Variants in PHF14 observed in about 807,000 individuals in gnomAD.
The protein encoded by PHF14 is PHD finger protein 14.
PHF14 carries 55 observed loss-of-function variants against 117.9 expected under a neutral mutation model. That is an observed-to-expected ratio of 0.47 (90% CI 0.38 to 0.58). The LOEUF is 0.58. PHF14 is among the 20% of genes least tolerant of loss of function. The probability of loss-of-function intolerance (pLI) is 0.00; values close to 1 mark genes in which losing one functional copy is unlikely to be tolerated. For missense variants in PHF14, 978 were observed against 1,122.2 expected (o/e 0.87, Z 1.84); for synonymous variants, 409 against 368.6 (o/e 1.11, Z -1.26).
At chr7:11,096,973 CTTTTTTTT>C (rs899756252) in intron 16 of PHF14, among the ~76,000 whole-genome samples, 1 of 108,586 alleles carries the variant, frequency 9.2e-6, no homozygotes, top group Non-Finnish European at 1.8e-5. Context: ...TAGACTAGAA[CTTTTTTTT>C]TTTTTTTTTT....
intron 4 of PHF14, among the ~76,000 whole-genome samples, chr7:10,993,305 T>C (rs566661884): frequency 1.3e-5 from 2 of 152,258 alleles, no homozygotes; most frequent in Admixed American, 1.3e-4. Context: ...TTTTCTGGTA[T>C]TACAGCCCTT....
chr7:11,005,362 G>C (rs1172864171), intron 4 of PHF14, among the ~76,000 whole-genome samples: 1 of 151,834 alleles, frequency 6.6e-6, no homozygotes, highest in Non-Finnish European at 1.5e-5. Flanking sequence ...CAGTATTACT[G>C]TGAGCTCATA....
chr7:10,973,968 G>GTCCAGGC lies in PHF14; in HGVS notation c.-354_-348dup. The GTCCAGGC allele has an allele frequency of 4.2e-6, 1 of 237,890 alleles. No homozygotes were observed. The highest frequency in any genetic ancestry group is 6.2e-5 in the South Asian group (1 of 16,230). 14.7% of individuals were successfully genotyped at this position (237,890 alleles called of 1,614,324 possible). ...AATTTCTGGTCTTTCGTTGCTTCTG[G>GTCCAGGC]TCCAGGCTAATAAAGTTTTTCTTTC... is the stretch of plus-strand genomic sequence containing the variant. On this transcript the variant is annotated 5_prime_UTR_variant, in exon 1 of 18. Coordinates refer to ENST00000634607, the MANE Select transcript of PHF14 (RefSeq NM_001007157.2).
chr7:11,068,671 A>T (rs1025542633), intron 16 of PHF14, among the ~76,000 whole-genome samples: 1 of 152,190 alleles, frequency 6.6e-6, no homozygotes, highest in East Asian at 1.9e-4. Context: ...AAAATGGTTA[A>T]GATGGTCAAT....
Position 11,130,532 on chromosome 7 carries a change from G to A in PHF14, c.2772+19065G>A, listed in dbSNP as rs1477549517. Reference sequence around the variant, plus strand: ...TTTTGTTTCTTTTTGAGCAGTTTTAGGTTTATAGAAAAATGGAGTTAAAAC... The same window carrying A: ...TTTTGTTTCTTTTTGAGCAGTTTTAAGTTTATAGAAAAATGGAGTTAAAAC... On this transcript the variant is annotated intron_variant, in intron 17 of 17. Coordinates refer to ENST00000634607, the MANE Select transcript of PHF14 (RefSeq NM_001007157.2). This position sits in a 1 kb window ranked among gnomAD's most constrained non-coding sequence, Gnocchi z 4.2. Among the ~76,000 whole-genome samples, 1 of 151,536 alleles carries A rather than the reference G, an allele frequency of 6.6e-6. No individual in the cohort carries two copies. The highest frequency in any genetic ancestry group is 1.5e-5 in the Non-Finnish European group (1 of 67,770).
At chr7:11,124,104 A>G (rs1778191549) in intron 17 of PHF14, among the ~76,000 whole-genome samples, 1 of 148,762 alleles carries the variant, frequency 6.7e-6, no homozygotes, top group African/African-American at 2.4e-5. Flanking sequence ...GGAAAAAAAA[A>G]TACACTTTGG....
chr7:11,003,582 C>G (rs1206636514), intron 4 of PHF14, among the ~76,000 whole-genome samples: 1 of 152,112 alleles, frequency 6.6e-6, no homozygotes, highest in Non-Finnish European at 1.5e-5. Context: ...ACATATCCAT[C>G]ATCTCACATA....
chr7:11,097,199 G>A (rs1786907505), intron 16 of PHF14, among the ~76,000 whole-genome samples: 3 of 151,904 alleles, frequency 2.0e-5, no homozygotes, highest in South Asian at 4.2e-4. Flanking sequence ...GGCTGGTCTC[G>A]AACTCCCGAT....
At chr7:11,136,095 C>G (rs1281812296) in intron 17 of PHF14, among the ~76,000 whole-genome samples, 1 of 152,080 alleles carries the variant, frequency 6.6e-6, no homozygotes, top group Non-Finnish European at 1.5e-5. Flanking sequence ...TCAAACCTAG[C>G]TTCTTGTCCT....
intron 3 of PHF14, among the ~76,000 whole-genome samples, chr7:10,989,787 C>A (rs1000377617): frequency 6.6e-6 from 1 of 152,082 alleles, no homozygotes; most frequent in Non-Finnish European, 1.5e-5. Context: ...TGCATCACCA[C>A]GCCCAGCTAA....
intron 17 of PHF14, among the ~76,000 whole-genome samples, chr7:11,164,999 A>C (rs927967242): frequency 2.3e-4 from 35 of 152,070 alleles, no homozygotes; most frequent in East Asian, 3.9e-4. Context: ...ATCTCCGCTC[A>C]CTGCAGCCTC....
At chr7:11,061,913 A>C in intron 15 of PHF14, 51 bp from the exon 16 acceptor site, 1 of 1,534,976 alleles carries the variant, frequency 6.5e-7, no homozygotes, top group South Asian at 1.2e-5. Flanking sequence ...TGTTTCCCTC[A>C]TATCCTTATT....
At chr7:11,058,274 C>T (rs1195675408) in intron 14 of PHF14, among the ~76,000 whole-genome samples, 1 of 152,024 alleles carries the variant, frequency 6.6e-6, no homozygotes, top group Non-Finnish European at 1.5e-5. Context: ...CCATTTCTCC[C>T]TCTTTTAAAT....
chr7:11,149,866 A>T (rs959496328), intron 17 of PHF14, among the ~76,000 whole-genome samples: 5 of 151,958 alleles, frequency 3.3e-5, no homozygotes, highest in Non-Finnish European at 5.9e-5. Context: ...CCTCTTTTAC[A>T]ATTTTTATAC....
chr7:11,165,255 A>G (rs559790460), intron 17 of PHF14, among the ~76,000 whole-genome samples: 1 of 152,112 alleles, frequency 6.6e-6, no homozygotes, highest in Non-Finnish European at 1.5e-5. Context: ...CTGTTTAATT[A>G]TATTGTAGAG....
intron 17 of PHF14, among the ~76,000 whole-genome samples, chr7:11,122,765 A>T (rs76221436): frequency 0.017 from 2,618 of 152,232 alleles, 72 homozygotes; most frequent in East Asian, 0.12. Context: ...TTGTCCTTCC[A>T]CTGCCCTATA....
At chr7:11,002,887 G>A (rs1425095875) in intron 4 of PHF14, among the ~76,000 whole-genome samples, 3 of 152,310 alleles carry the variant, frequency 2.0e-5, no homozygotes, top group East Asian at 1.9e-4. Context: ...AGCTTGGGTA[G>A]TATCTGCTAA....
chr7:11,153,760 A>G (rs1040305441), intron 17 of PHF14, among the ~76,000 whole-genome samples: 2 of 152,176 alleles, frequency 1.3e-5, no homozygotes, highest in African/African-American at 4.8e-5. Flanking sequence ...TATATTCAAA[A>G]TTGAGAAAAT....
At chr7:11,145,295 C>CTTG (rs80110297) in intron 17 of PHF14, among the ~76,000 whole-genome samples, 1 of 151,860 alleles carries the variant, frequency 6.6e-6, no homozygotes, top group Admixed American at 6.6e-5. Flanking sequence ...CTTTTTCTCT[C>CTTG]TTTTTTAAAA....
Sources: allele counts gnomAD v4.1 joint callset (sites outside exome capture counted in the v4.1 genomes callset), GRCh38; gene constraint gnomAD v4.1.1; non-coding constraint Gnocchi (gnomAD v3.1); transcripts MANE v1.5; gene names NCBI Gene and HGNC (gene_info 2026-07-23, HGNC 2026-07-21).